Variants in BAG6 observed in about 807,000 individuals in gnomAD.
The protein encoded by BAG6 is BAG cochaperone 6, also known as large proline-rich protein BAG6.
A neutral mutation model predicts 121.0 loss-of-function variants in BAG6; 22 were observed. The ratio of observed to expected loss-of-function variants is 0.18; its 90% CI spans 0.13 to 0.26. The LOEUF is 0.26. Among genes scored for constraint, BAG6 ranks in the 10% least tolerant of loss-of-function variants. BAG6 has a pLI of 1.00. For synonymous variants in BAG6, 583 were observed against 584.6 expected (o/e 1.00, Z 0.04); for missense variants, 1,233 against 1,537.7 (o/e 0.80, Z 3.31).
chr6:31,644,008 C>T lies in BAG6; in HGVS notation c.1669-31G>A. The T allele has an allele frequency of 6.2e-7, 1 of 1,613,682 alleles. No homozygotes were observed. The highest frequency in any genetic ancestry group is 8.5e-7 in the Non-Finnish European group (1 of 1,179,664). On this transcript the variant is annotated intron_variant, in intron 13 of 25. Coordinates refer to ENST00000676615, the MANE Select transcript of BAG6 (RefSeq NM_001387994.1). The surrounding 1 kb of genome is among the most constrained non-coding windows in gnomAD (Gnocchi z 4.9). ...TAGAGAGCAAGGGAGAATTTCAGAC[C>T]TGCCCTTCCATGCACCACCACAGGA...
chr6:31,640,947 C>A lies in BAG6; in HGVS notation c.2788-9G>T. ...CCACGAGACATACGACGCTGAGGGACAGAAAGCAGATTTAGAACACAAAAC... is the reference window on the plus strand; with the variant it reads ...CCACGAGACATACGACGCTGAGGGAAAGAAAGCAGATTTAGAACACAAAAC... On this transcript the variant is annotated splice_polypyrimidine_tract_variant and intron_variant, in intron 20 of 25. Coordinates refer to ENST00000676615, the MANE Select transcript of BAG6 (RefSeq NM_001387994.1). The surrounding 1 kb of genome is among the most constrained non-coding windows in gnomAD (Gnocchi z 4.2). 6.2e-7 allele frequency: 1 copy of A among 1,610,776 alleles called. No individual in the cohort carries two copies. The highest frequency in any genetic ancestry group is 8.5e-7 in the Non-Finnish European group (1 of 1,178,696).
Position 31,640,994 on chromosome 6 carries a change from G to C in BAG6, c.2788-56C>G. On this transcript the variant is annotated intron_variant, in intron 20 of 25. Transcript: ENST00000676615. The surrounding 1 kb of genome is among the most constrained non-coding windows in gnomAD (Gnocchi z 4.2). ...AAACCCTCAACCACCTTTAGAAATA[G>C]ATTAGATCCAGGTTACAGAATGTCA... 2 of 1,602,226 alleles carry C rather than the reference G, an allele frequency of 1.2e-6. No homozygotes were observed. The highest frequency in any genetic ancestry group is 1.7e-6 in the Non-Finnish European group (2 of 1,173,718).
At position 31,643,746 on chromosome 6, in the gene BAG6, A is replaced by AAAAAAAAT. The variant is rs1785512420; in HGVS notation, c.1756+143_1756+144insATTTTTTT. 11 of 572,102 alleles carry AAAAAAAAT rather than the reference A, an allele frequency of 1.9e-5. No individual in the cohort carries two copies. In the Admixed American group the frequency reaches 2.5e-4, roughly 13 times the overall value. The allele number at this position is 572,102 out of a possible 1,614,324, so 35.4% of individuals were successfully genotyped here. On this transcript the variant is annotated intron_variant, in intron 14 of 25. Coordinates refer to ENST00000676615, the MANE Select transcript of BAG6 (RefSeq NM_001387994.1). ...CAAAAAAAAAAAAAAAAAAAAAAAA[A>AAAAAAAAT]GCTGAAACCTGAAGACACAAGACAC...
chr6:31,645,635 A>C (rs142876461), intron 8 of BAG6, 31 bp from the exon 9 acceptor site: 1 of 1,608,492 alleles, frequency 6.2e-7, no homozygotes, highest in African/African-American at 1.3e-5. Context: ...ACAAAAAGGC[A>C]GAAAATATCA....
rs774762760 is a variant in BAG6, at chr6:31,649,398, G to A, written c.227-3C>T. The stretch of plus-strand genomic sequence containing the variant: ...GTGGATAACCTTTCCCCCAACATCT[G>A]CAGAAAAATAGACACACACCAAAAC... On this transcript the variant is annotated splice_polypyrimidine_tract_variant and splice_region_variant and intron_variant, in intron 3 of 25. Coordinates refer to ENST00000676615, the MANE Select transcript of BAG6 (RefSeq NM_001387994.1). 3 of 1,602,358 alleles carry A rather than the reference G, an allele frequency of 1.9e-6. No homozygotes were observed. Among genetic ancestry groups the A allele is most frequent in the East Asian group, 2.2e-5 (1 of 44,778 alleles).
rs571085529 is a variant in BAG6 at position 31,641,952 on chromosome 6, G to A, written c.2336-7C>T. ...AGCAAGGCCCCAAAGAATCCTGGGG[G>A]ACAAGGGCAGATGTTAGCAATGGCC... On this transcript the variant is annotated splice_region_variant and splice_polypyrimidine_tract_variant and intron_variant, in intron 16 of 25. Coordinates refer to ENST00000676615, the MANE Select transcript of BAG6 (RefSeq NM_001387994.1). This position sits in a 1 kb window ranked among gnomAD's most constrained non-coding sequence, Gnocchi z 5.7. 7 of 1,612,550 alleles carry A rather than the reference G, an allele frequency of 4.3e-6. No individual in the cohort carries two copies. The highest frequency in any genetic ancestry group is 3.3e-5 in the Admixed American group (2 of 59,970).
At chr6:31,645,643 T>A in intron 8 of BAG6, 39 bp from the exon 9 acceptor site, 7 of 1,603,268 alleles carry the variant, frequency 4.4e-6, no homozygotes, top group Non-Finnish European at 6.0e-6. Context: ...GCAGAAAATA[T>A]CAAGCTGGAG....
chr6:31,651,863 T>A, intron 1 of BAG6, 87 bp from the exon 2 acceptor site: 1 of 960,756 alleles, frequency 1.0e-6, no homozygotes, highest in Non-Finnish European at 1.7e-6. Context: ...CCTGCCCCAA[T>A]ACCTAAAAAG....
intron 7 of BAG6, among the ~76,000 whole-genome samples, chr6:31,647,389 C>G (rs987931671): frequency 6.6e-6 from 1 of 152,178 alleles, no homozygotes; most frequent in Admixed American, 6.5e-5. Context: ...ATTTCCTTGC[C>G]GTAGGGAGAG....
At chr6:31,646,178 G>T (rs1304552988) in intron 8 of BAG6, among the ~76,000 whole-genome samples, 1 of 152,104 alleles carries the variant, frequency 6.6e-6, no homozygotes, top group Admixed American at 6.5e-5. Context: ...TAGAGATGGG[G>T]TTGCACCATG....
intron 2 of BAG6, among the ~76,000 whole-genome samples, chr6:31,650,012 A>T (rs1308065989): frequency 6.6e-6 from 1 of 152,052 alleles, no homozygotes; most frequent in Non-Finnish European, 1.5e-5. Context: ...GAAGCAAGAG[A>T]ATCACTTGAA....
At position 31,644,539 on chromosome 6, in the gene BAG6, T is replaced by C. The variant is rs1343545378; in HGVS notation, c.1433A>G (p.His478Arg). ...APTGPLGPPG[H>R]GQTLGSTLIQ... is the part of the protein sequence containing the mutation. ...CTCACTCTTACCCAGGGTTTGGCCA[T>C]GACCAGGGGGTCCCAGGGGGCCAGT... is the stretch of plus-strand genomic sequence containing the variant. The change falls in exon 11 of 26, where the codon CAT becomes CGT. Residue 478 changes from histidine to arginine, a missense_variant. Transcript: ENST00000676615. The surrounding 1 kb of genome is among the most constrained non-coding windows in gnomAD (Gnocchi z 4.9). The C allele has an allele frequency of 1.2e-6, 2 of 1,611,354 alleles. No individual in the cohort carries two copies. The highest frequency in any genetic ancestry group is 2.2e-5 in the South Asian group (2 of 90,868).
Position 31,649,276 on chromosome 6 carries a change from CA to C in BAG6, c.345del (p.Gly116ValfsTer52). On this transcript the variant is annotated frameshift_variant, in exon 4 of 26. Transcript: ENST00000676615. LOFTEE classifies it high-confidence loss of function. ...ACAGAGGCCCCAGGCCCCCGAGTACCAGGGGGGGATCCCCCACCATGAGTGG... is the reference window on the plus strand; with the variant it reads ...ACAGAGGCCCCAGGCCCCCGAGTACCGGGGGGGATCCCCCACCATGAGTGG... The part of the protein sequence containing the change: ...ASATHGGGSP[P>X]GTRGPGASVH... 1.2e-6 allele frequency: 2 copies of C among 1,613,152 alleles called. No individual in the cohort carries two copies. The highest frequency in any genetic ancestry group is 1.7e-6 in the Non-Finnish European group (2 of 1,180,024).
intron 8 of BAG6, among the ~76,000 whole-genome samples, chr6:31,646,191 G>A (rs1430780328): frequency 1.3e-5 from 2 of 152,136 alleles, no homozygotes; most frequent in Non-Finnish European, 2.9e-5. Flanking sequence ...GCACCATGTT[G>A]GCCAGGCTGG....
rs1561875642 is a variant in BAG6, at chr6:31,640,385, T to C, written c.3138A>G (p.Pro1046=). The change falls in exon 23 of 26, where the codon CCA becomes CCG. Residue 1046 remains proline, a splice_region_variant and synonymous_variant. Coordinates refer to ENST00000676615, the MANE Select transcript of BAG6 (RefSeq NM_001387994.1). This position sits in a 1 kb window ranked among gnomAD's most constrained non-coding sequence, Gnocchi z 4.2. ...CACTGGATTACTTCCTGACACTTAC[T>C]GGGGGGACTGCAGCTGCCCAAGGTT... is the stretch of plus-strand genomic sequence containing the variant. ...ETEPWAAAVP[P]EWVPIIQQDI... is the part of the protein sequence containing the mutation. 1 of 1,614,164 alleles carries C rather than the reference T, an allele frequency of 6.2e-7. No homozygotes were observed. The highest frequency in any genetic ancestry group is 8.5e-7 in the Non-Finnish European group (1 of 1,180,030).
chr6:31,639,345 GC>G, intron 25 of BAG6, 119 bp from the exon 26 acceptor site: 2 of 1,436,356 alleles, frequency 1.4e-6, no homozygotes, highest in Non-Finnish European at 1.9e-6. Flanking sequence ...CTGTCAAATA[GC>G]CCGGGGTGGC....
At chr6:31,651,932 A>G in intron 1 of BAG6, 156 bp from the exon 2 acceptor site, 1 of 570,148 alleles carries the variant, frequency 1.8e-6, no homozygotes. Flanking sequence ...ATTCCGGGGC[A>G]CAGGGAGAGA....
intron 1 of BAG6, 178 bp from the exon 2 acceptor site, chr6:31,651,954 C>CAGGA (rs1797276158): frequency 1.8e-6 from 1 of 551,458 alleles, no homozygotes; most frequent in Non-Finnish European, 3.3e-6. Flanking sequence ...ACACAAAGGG[C>CAGGA]AGGAGATCGA....
At chr6:31,647,569 A>T (rs186497840) in intron 7 of BAG6, 22 bp downstream of exon 7, 1 of 1,608,210 alleles carries the variant, frequency 6.2e-7, no homozygotes, top group Non-Finnish European at 8.5e-7. Flanking sequence ...CCCACCCACT[A>T]AAGATTCCCT....
Sources: gnomAD v4.1 joint callset for allele counts (sites outside exome capture counted in the v4.1 genomes callset) on GRCh38, gnomAD v4.1.1 for gene constraint, Gnocchi (gnomAD v3.1) non-coding constraint, MANE v1.5 for transcripts, NCBI Gene and HGNC (gene_info 2026-07-23, HGNC 2026-07-21) for gene names.